Variants in UGT1A6 observed in about 807,000 individuals in gnomAD.
UGT1A6 encodes UDP-glucuronosyltransferase 1A6.
A neutral mutation model predicts 44.4 loss-of-function variants in UGT1A6; 32 were observed. That is an observed-to-expected ratio of 0.72 (90% CI 0.54 to 0.97). The LOEUF is 0.97. Among genes scored for constraint, UGT1A6 ranks in the 50% least tolerant of loss-of-function variants. The pLI, the probability that UGT1A6 is intolerant of heterozygous loss-of-function variation, is 0.00. For missense variants in UGT1A6, 685 were observed against 661.9 expected (o/e 1.03, Z -0.38); for synonymous variants, 238 against 248.5 (o/e 0.96, Z 0.40).
chr2:233,714,599 A>G (rs2076399470), intron 1 of UGT1A6, among the ~76,000 whole-genome samples: 1 of 152,252 alleles, frequency 6.6e-6, no homozygotes, highest in Non-Finnish European at 1.5e-5. Flanking sequence ...TCTAGTGGGC[A>G]TGTTAAACAC....
intron 1 of UGT1A6, among the ~76,000 whole-genome samples, chr2:233,757,535 A>AATATATATACATATACATATATAC (rs376887521): frequency 2.4e-4 from 21 of 88,296 alleles, no homozygotes; most frequent in African/African-American, 1.1e-3. Context: ...GCCTGTAAGG[A>AATATATATACATATACATATATAC]ATATATATAT....
At chr2:233,725,044 AGGCGTGGCGGCGCGCGCCTGCAATCGCAG>A (rs1160459932) in intron 1 of UGT1A6, among the ~76,000 whole-genome samples, 1 of 148,048 alleles carries the variant, frequency 6.8e-6, no homozygotes, top group Non-Finnish European at 1.5e-5. Flanking sequence ...AAAACCAGTC[AGGCGTGGCGGCGCGCGCCTGCAATCGCAG>A]GCACTCGGCA....
Position 233,768,349 on chromosome 2 carries a change from A to T in UGT1A6, c.1211A>T (p.Glu404Val), listed in dbSNP as rs1699604029. The change falls in exon 4 of 5, where the codon GAG becomes GTG. Residue 404 changes from glutamate to valine, a missense_variant. By Grantham distance (121) the Glu-to-Val change is moderately radical. Coordinates refer to ENST00000305139, the MANE Select transcript of UGT1A6 (RefSeq NM_001072.4). The stretch of plus-strand genomic sequence containing the variant: ...CAGATGGACAATGCAAAGCGCATGG[A>T]GACTAAGGGAGCTGGAGTGACCCTG... Reference protein sequence around the residue: ...GDQMDNAKRMETKGAGVTLNV... With the variant: ...GDQMDNAKRMVTKGAGVTLNV... The T allele has an allele frequency of 1.2e-6, 2 of 1,614,182 alleles. No homozygotes were observed. Among genetic ancestry groups the T allele is most frequent in the Non-Finnish European group, 8.5e-7 (1 of 1,180,036 alleles).
intron 1 of UGT1A6, among the ~76,000 whole-genome samples, chr2:233,731,630 C>A (rs1226359620): frequency 6.6e-6 from 1 of 152,176 alleles, no homozygotes; most frequent in Non-Finnish European, 1.5e-5. Context: ...TTTTTTATGG[C>A]TGCATAGTAT....
At position 233,713,658 on chromosome 2, in the gene UGT1A6, C is replaced by A. The variant is rs376312935; in HGVS notation, c.861+19793C>A. 1.7e-5 allele frequency: 27 copies of A among 1,613,822 alleles called. No individual in the cohort carries two copies. Among genetic ancestry groups the A allele is most frequent in the African/African-American group, 2.7e-5 (2 of 74,924 alleles). ...GCTCTACCCTCTGGCCCTGTCCTAC[C>A]TTTGCCATGCTGTTTCTGCTCCTTA... On this transcript the variant is annotated intron_variant, in intron 1 of 4. Coordinates refer to ENST00000305139, the MANE Select transcript of UGT1A6 (RefSeq NM_001072.4).
At chr2:233,713,078 G>A in intron 1 of UGT1A6, 4 of 1,614,202 alleles carry the variant, frequency 2.5e-6, no homozygotes, top group Non-Finnish European at 3.4e-6. Context: ...CTGAGAGTGG[G>A]AAGGTGCTGG....
intron 1 of UGT1A6, chr2:233,729,601 G>C: frequency 3.1e-6 from 5 of 1,614,032 alleles, no homozygotes; most frequent in Non-Finnish European, 4.2e-6. Context: ...CCTCTGCGCG[G>C]CAGTGCTGGC....
chr2:233,756,725 G>A (rs1363632350), intron 1 of UGT1A6, among the ~76,000 whole-genome samples: 1 of 152,038 alleles, frequency 6.6e-6, no homozygotes, highest in Non-Finnish European at 1.5e-5. Flanking sequence ...TGAGATCTGA[G>A]TTCTCTTCAC....
At chr2:233,725,447 T>A (rs2077449709) in intron 1 of UGT1A6, among the ~76,000 whole-genome samples, 1 of 152,002 alleles carries the variant, frequency 6.6e-6, no homozygotes, top group Admixed American at 6.5e-5. Context: ...GCCACATACA[T>A]AATTTAAACT....
At chr2:233,760,083 G>C (rs1163366183) in intron 1 of UGT1A6, among the ~76,000 whole-genome samples, 1 of 152,198 alleles carries the variant, frequency 6.6e-6, no homozygotes, top group Non-Finnish European at 1.5e-5. Context: ...ATTCCAGCCA[G>C]TTCAACTGTT....
At chr2:233,729,381 C>T (rs141683822) in intron 1 of UGT1A6, 80 of 1,613,822 alleles carry the variant, frequency 5.0e-5, no homozygotes, top group Non-Finnish European at 6.7e-5. Flanking sequence ...TTTCGTGGAC[C>T]CAGGATGAAT....
chr2:233,745,155 C>G (rs1330223752), intron 1 of UGT1A6, among the ~76,000 whole-genome samples: 5 of 151,764 alleles, frequency 3.3e-5, no homozygotes, highest in Admixed American at 6.6e-5. Flanking sequence ...TATGGAGGGT[C>G]AAATGTGCAT....
intron 2 of UGT1A6, 69 bp from the exon 3 acceptor site, chr2:233,767,780 G>C: frequency 1.2e-6 from 2 of 1,613,138 alleles, no homozygotes; most frequent in Non-Finnish European, 1.7e-6. Flanking sequence ...TTTCTAGTTA[G>C]TATAGCAGAT....
At chr2:233,757,520 A>G (rs1696548795) in intron 1 of UGT1A6, among the ~76,000 whole-genome samples, 1 of 144,544 alleles carries the variant, frequency 6.9e-6, no homozygotes. Flanking sequence ...CAAAGCCAAA[A>G]TCTTGCCTGT....
chr2:233,719,115 G>C lies in UGT1A6; in HGVS notation c.861+25250G>C, dbSNP rs774010631. 3.5e-5 allele frequency: 57 copies of C among 1,614,126 alleles called. No homozygotes were observed. Among genetic ancestry groups the C allele is most frequent in the Non-Finnish European group, 4.5e-5 (53 of 1,180,048 alleles). The stretch of plus-strand genomic sequence containing the variant: ...TCGCGTTACGCTGGGCTACACTCAA[G>C]GGTTCTTTGAAACAGAACATCTTCT... On this transcript the variant is annotated intron_variant, in intron 1 of 4. Transcript: ENST00000305139.
intron 1 of UGT1A6, chr2:233,721,833 A>G (rs1417252749): frequency 1.9e-6 from 1 of 515,974 alleles, no homozygotes; most frequent in African/African-American, 1.9e-5. Flanking sequence ...TGGGCCACCG[A>G]CCTTGTGTCC....
intron 1 of UGT1A6, chr2:233,721,744 G>T: frequency 4.6e-6 from 2 of 439,016 alleles, no homozygotes; most frequent in South Asian, 1.7e-5. Flanking sequence ...AATGATGAGA[G>T]AATCTACATC....
At chr2:233,760,330 C>G (rs2125982719) in intron 1 of UGT1A6, 1 of 1,614,052 alleles carries the variant, frequency 6.2e-7, no homozygotes. Flanking sequence ...TGTCCTGGGC[C>G]TGCTGCTGTG....
intron 1 of UGT1A6, chr2:233,713,976 T>C: frequency 6.3e-7 from 1 of 1,596,898 alleles, no homozygotes; most frequent in Non-Finnish European, 8.5e-7. Flanking sequence ...TTTCTGCTTC[T>C]CATTGTTGTA....
Sources: allele counts gnomAD v4.1 joint callset (sites outside exome capture counted in the v4.1 genomes callset), GRCh38; gene constraint gnomAD v4.1.1; transcripts MANE v1.5; gene names NCBI Gene and HGNC (gene_info 2026-07-23, HGNC 2026-07-21).